The following RAPGEF1 variants were observed in gnomAD, a reference collection of about 807,000 sequenced individuals.
RAPGEF1 encodes Rap guanine nucleotide exchange factor 1.
RAPGEF1 carries 33 observed loss-of-function variants against 143.3 expected under a neutral mutation model. The observed-to-expected ratio is 0.23, with a 90% CI of 0.17 to 0.31. The LOEUF (loss-of-function observed/expected upper bound fraction) is 0.31. Among genes scored for constraint, RAPGEF1 ranks in the 10% least tolerant of loss-of-function variants. The probability of loss-of-function intolerance (pLI) is 1.00; values close to 1 mark genes in which losing one functional copy is unlikely to be tolerated. For missense variants in RAPGEF1, 1,199 were observed against 1,645.4 expected (o/e 0.73, Z 4.69); for synonymous variants, 629 against 676.5 (o/e 0.93, Z 1.09).
chr9:131,716,984 C>A (rs1484538160), intron 1 of RAPGEF1, among the ~76,000 whole-genome samples: 42 of 152,098 alleles, frequency 2.8e-4, no homozygotes, highest in Admixed American at 2.8e-3. Context: ...TCCTCTCCAG[C>A]GAGTCAAAGG....
At chr9:131,619,571 C>T (rs954411809) in intron 11 of RAPGEF1, among the ~76,000 whole-genome samples, 8 of 152,134 alleles carry the variant, frequency 5.3e-5, no homozygotes, top group African/African-American at 1.4e-4. Flanking sequence ...AGAACTCAGA[C>T]GGGGCTCCGG....
intron 12 of RAPGEF1, among the ~76,000 whole-genome samples, chr9:131,615,954 C>G (rs912423770): frequency 6.6e-6 from 1 of 152,092 alleles, no homozygotes; most frequent in African/African-American, 2.4e-5. Flanking sequence ...CTTAAGACTC[C>G]CATATATTCC....
intron 1 of RAPGEF1, among the ~76,000 whole-genome samples, chr9:131,720,811 C>G (rs957204144): frequency 6.6e-6 from 1 of 152,170 alleles, no homozygotes; most frequent in Non-Finnish European, 1.5e-5. Flanking sequence ...AAATCTCTGT[C>G]CAAGTTAACC....
chr9:131,649,228 T>G (rs10901079), intron 3 of RAPGEF1, among the ~76,000 whole-genome samples: 1 of 112,874 alleles, frequency 8.9e-6, no homozygotes, highest in African/African-American at 3.5e-5. Flanking sequence ...TTTTTTTTTG[T>G]ATTTTTAGTA....
chr9:131,582,694 G>C lies in RAPGEF1; in HGVS notation c.3423C>G (p.Ala1141=). 6.4e-7 allele frequency: 1 copy of C among 1,559,032 alleles called. No individual in the cohort carries two copies. Among genetic ancestry groups the C allele is most frequent in the African/African-American group, 1.4e-5 (1 of 70,740 alleles). Residue 1141 remains alanine (A), a synonymous_variant, in exon 25 of 27, where the codon GCC becomes GCG. Transcript: ENST00000683357. ...AGCTGTCGATCAGTGTGCAGTACTC[G>C]GCCAGGCCCTGGCAGGACAGGACAG... ...EWQKQTSEGL[A]EYCTLIDSSS... is the part of the protein sequence containing the mutation.
chr9:131,614,463 C>T (rs553446014), intron 12 of RAPGEF1, among the ~76,000 whole-genome samples: 6 of 152,202 alleles, frequency 3.9e-5, no homozygotes, highest in African/African-American at 1.2e-4. Context: ...CCTTTAGGCC[C>T]GTCAGTGTGC....
At chr9:131,680,494 G>A (rs954893519) in intron 1 of RAPGEF1, among the ~76,000 whole-genome samples, 1 of 152,198 alleles carries the variant, frequency 6.6e-6, no homozygotes, top group African/African-American at 2.4e-5. Flanking sequence ...GAAGGTTGTG[G>A]GTTTACGGGA....
At chr9:131,642,281 T>C (rs1237407641) in intron 4 of RAPGEF1, among the ~76,000 whole-genome samples, 2 of 152,206 alleles carry the variant, frequency 1.3e-5, no homozygotes, top group African/African-American at 2.4e-5. Context: ...CGAGTGCTTG[T>C]AATTTTATGT....
Position 131,736,613 on chromosome 9 carries a change from C to G in RAPGEF1, c.61+3157G>C, listed in dbSNP as rs530874324. 3.3e-5 allele frequency among the ~76,000 whole-genome samples: 5 copies of G among 152,288 alleles called. No homozygotes were observed. The East Asian group carries it at 9.6e-4, about 29-fold the overall frequency. The stretch of plus-strand genomic sequence containing the variant: ...CCCCCAGGGGTTAAGGAGAGTCCTG[C>G]ACACCAAGGAGGTATCAGGCAATGC... On this transcript the variant is annotated intron_variant, in intron 1 of 26. Transcript: ENST00000683357.
At chr9:131,714,345 A>G (rs76608213) in intron 1 of RAPGEF1, among the ~76,000 whole-genome samples, 2 of 147,528 alleles carry the variant, frequency 1.4e-5, no homozygotes, top group African/African-American at 5.0e-5. Context: ...TTTTTTTTTT[A>G]GATAGAAATG....
chr9:131,723,964 G>A (rs1836456107), intron 1 of RAPGEF1, among the ~76,000 whole-genome samples: 2 of 152,164 alleles, frequency 1.3e-5, no homozygotes, highest in Admixed American at 1.3e-4. Context: ...TGTTTTTGTT[G>A]TGGTGGCAGT....
intron 1 of RAPGEF1, among the ~76,000 whole-genome samples, chr9:131,709,180 G>A (rs926687984): frequency 6.6e-6 from 1 of 152,144 alleles, no homozygotes; most frequent in African/African-American, 2.4e-5. Context: ...AACTCCATCT[G>A]TACTAAAAAT....
intron 1 of RAPGEF1, among the ~76,000 whole-genome samples, chr9:131,678,520 GTGC>G (rs1418347328): frequency 1.8e-4 from 28 of 152,232 alleles, no homozygotes; most frequent in African/African-American, 6.3e-4. Context: ...ATAAGCCAGT[GTGC>G]TGTTTTCAGG....
intron 1 of RAPGEF1, among the ~76,000 whole-genome samples, chr9:131,707,386 T>C (rs1835152324): frequency 6.6e-6 from 1 of 152,228 alleles, no homozygotes; most frequent in South Asian, 2.1e-4. Flanking sequence ...CCATTTTGCT[T>C]ATCTTAGGTC....
At chr9:131,616,830 T>A (rs369284169) in intron 12 of RAPGEF1, among the ~76,000 whole-genome samples, 40 of 152,344 alleles carry the variant, frequency 2.6e-4, no homozygotes, top group African/African-American at 8.7e-4. Context: ...AAAGGATATA[T>A]GAAGGACATG....
intron 1 of RAPGEF1, among the ~76,000 whole-genome samples, chr9:131,693,619 C>T (rs1235140267): frequency 6.6e-6 from 1 of 152,146 alleles, no homozygotes; most frequent in Non-Finnish European, 1.5e-5. Context: ...AACCAACCTC[C>T]TCTGCTTGGC....
chr9:131,598,612 C>A, intron 15 of RAPGEF1: 2 of 517,928 alleles, frequency 3.9e-6, no homozygotes, highest in South Asian at 1.5e-5. Flanking sequence ...CCAAGGCCCA[C>A]CGCACAGTTA....
At chr9:131,610,960 C>T (rs550745614) in intron 12 of RAPGEF1, among the ~76,000 whole-genome samples, 23 of 152,332 alleles carry the variant, frequency 1.5e-4, no homozygotes, top group African/African-American at 5.5e-4. Flanking sequence ...TTAGGGATAC[C>T]TCTGGCTTTG....
In RAPGEF1 at chr9:131,578,697, T is replaced by G. The variant is rs1951452199; in HGVS notation, c.*800A>C. ...GAAGACTCCCAGCAATAAAAAGTAT[T>G]TCTTGGATGATCAAGTCCTCCCTTA... On this transcript the variant is annotated 3_prime_UTR_variant, in exon 27 of 27. Transcript: ENST00000683357. 1 of 152,290 alleles carries G rather than the reference T, an allele frequency of 6.6e-6. No individual in the cohort carries two copies. 9.4% of individuals were successfully genotyped at this position (152,290 alleles called of 1,614,324 possible). A position where few individuals can be genotyped will look rare whatever the true frequency, so the allele number is the denominator to read the frequency against.
Sources: allele counts gnomAD v4.1 joint callset (sites outside exome capture counted in the v4.1 genomes callset), GRCh38; gene constraint gnomAD v4.1.1; transcripts MANE v1.5; gene names NCBI Gene and HGNC (gene_info 2026-07-23, HGNC 2026-07-21).